Variants in SCHIP1 observed in about 807,000 individuals in gnomAD.
SCHIP1 encodes schwannomin-interacting protein 1.
A neutral mutation model predicts 29.7 loss-of-function variants in SCHIP1; 8 were observed. The observed-to-expected ratio is 0.27, with a 90% CI of 0.16 to 0.49. The LOEUF is 0.49. Ranked by LOEUF, SCHIP1 falls within the 20% of genes least tolerant of loss-of-function variation. The pLI, the probability that SCHIP1 is intolerant of heterozygous loss-of-function variation, is 0.99. For synonymous variants in SCHIP1, 76 were observed against 94.9 expected (o/e 0.80, Z 1.16); for missense variants, 193 against 294.6 (o/e 0.66, Z 2.52).
chr3:159,274,493 C>T, the SCHIP1 span: 2 of 720,436 alleles, frequency 2.8e-6, no homozygotes, highest in Non-Finnish European at 3.4e-6. Flanking sequence ...TGAAATAGTA[C>T]TTTTAGCATT....
At chr3:159,764,104 G>T in the SCHIP1 span, 1 of 250,188 alleles carries the variant, frequency 4.0e-6, no homozygotes, top group Non-Finnish European at 7.6e-6. This position sits in a 1 kb window ranked among gnomAD's most constrained non-coding sequence, Gnocchi z 6.1. Context: ...AGAATCCTTG[G>T]GGCGGGGTAA....
chr3:159,606,443 G>A, the SCHIP1 span, among the ~76,000 whole-genome samples: 1 of 152,162 alleles, frequency 6.6e-6, no homozygotes, highest in African/African-American at 2.4e-5. Flanking sequence ...CCCACAGACA[G>A]CATTTGGAAA....
chr3:159,579,257 G>A, the SCHIP1 span, among the ~76,000 whole-genome samples: 1 of 152,150 alleles, frequency 6.6e-6, no homozygotes, highest in African/African-American at 2.4e-5. Flanking sequence ...ACTTTCTAAT[G>A]TAAGACATTT....
intron 1 of SCHIP1, among the ~76,000 whole-genome samples, chr3:159,854,957 G>T (rs1713150149): frequency 6.6e-6 from 1 of 152,252 alleles, no homozygotes; most frequent in Admixed American, 6.5e-5. Flanking sequence ...CTACAGACAT[G>T]TACGGCTCAA....
chr3:159,841,849 G>A (rs1210546028), intron 1 of SCHIP1, among the ~76,000 whole-genome samples: 1 of 152,086 alleles, frequency 6.6e-6, no homozygotes, highest in South Asian at 2.1e-4. Context: ...GTATTGGTTG[G>A]GTAATAATGG....
the SCHIP1 span, among the ~76,000 whole-genome samples, chr3:159,544,929 A>G: frequency 6.6e-6 from 1 of 152,144 alleles, no homozygotes; most frequent in African/African-American, 2.4e-5. Flanking sequence ...CTTCAAGATC[A>G]TAAAAATGTT....
the SCHIP1 span, among the ~76,000 whole-genome samples, chr3:159,480,797 C>A: frequency 1.3e-5 from 2 of 152,144 alleles, no homozygotes; most frequent in Non-Finnish European, 2.9e-5. Flanking sequence ...CTGGGTGTCA[C>A]GCACGTCCTT....
chr3:159,755,381 C>T, the SCHIP1 span, among the ~76,000 whole-genome samples: 13 of 152,114 alleles, frequency 8.5e-5, no homozygotes, highest in Admixed American at 8.5e-4. Flanking sequence ...TGCAGAGAAA[C>T]TCCTGTTTTT....
chr3:159,550,180 A>G, the SCHIP1 span, among the ~76,000 whole-genome samples: 5 of 129,882 alleles, frequency 3.8e-5, no homozygotes, highest in Non-Finnish European at 8.6e-5. Context: ...TGTATTCCCA[A>G]CCTGCTGAAA....
the SCHIP1 span, among the ~76,000 whole-genome samples, chr3:159,375,475 G>A: frequency 1.3e-5 from 2 of 152,186 alleles, no homozygotes; most frequent in African/African-American, 2.4e-5. Flanking sequence ...GCGTGCTCAC[G>A]CCTGTAATCA....
the SCHIP1 span, among the ~76,000 whole-genome samples, chr3:159,664,691 G>T: frequency 6.6e-6 from 1 of 152,200 alleles, no homozygotes; most frequent in East Asian, 1.9e-4. Flanking sequence ...ATAGGGTAGA[G>T]AGAGCACCAT....
chr3:159,571,863 A>G, the SCHIP1 span, among the ~76,000 whole-genome samples: 3 of 152,092 alleles, frequency 2.0e-5, no homozygotes, highest in African/African-American at 7.2e-5. Context: ...GGTAGGGTGT[A>G]TGTGTCGAGG....
chr3:159,495,790 G>A, the SCHIP1 span, among the ~76,000 whole-genome samples: 50 of 152,208 alleles, frequency 3.3e-4, no homozygotes, highest in African/African-American at 7.7e-4. Context: ...AAAACAGCCC[G>A]CATCACCAAG....
At chr3:159,592,753 C>A in the SCHIP1 span, among the ~76,000 whole-genome samples, 131 of 152,190 alleles carry the variant, frequency 8.6e-4, 1 homozygote, top group South Asian at 0.014. Context: ...ACACAAGTCA[C>A]GGCCTGTTGT....
the SCHIP1 span, among the ~76,000 whole-genome samples, chr3:159,296,141 C>CTTT: frequency 7.6e-5 from 11 of 144,466 alleles, no homozygotes; most frequent in African/African-American, 2.3e-4. Flanking sequence ...GCTTGCTGCT[C>CTTT]TTTTTTTTTT....
the SCHIP1 span, among the ~76,000 whole-genome samples, chr3:159,630,989 A>C: frequency 6.7e-6 from 1 of 150,286 alleles, no homozygotes; most frequent in African/African-American, 2.5e-5. Context: ...GGAAAGTACC[A>C]AAAAAAAAGT....
the SCHIP1 span, among the ~76,000 whole-genome samples, chr3:159,678,110 C>T: frequency 6.6e-6 from 1 of 152,202 alleles, no homozygotes; most frequent in Non-Finnish European, 1.5e-5. Context: ...CCAAATAAAT[C>T]TTATCTGTCT....
the SCHIP1 span, among the ~76,000 whole-genome samples, chr3:159,601,243 G>A: frequency 1.7e-3 from 255 of 152,268 alleles, 1 homozygote; most frequent in Admixed American, 4.7e-3. Context: ...AGCAGTGGTG[G>A]GACTACCCTC....
the SCHIP1 span, among the ~76,000 whole-genome samples, chr3:159,442,826 A>G: frequency 6.6e-6 from 1 of 152,196 alleles, no homozygotes; most frequent in African/African-American, 2.4e-5. Flanking sequence ...CAGGGTGGTA[A>G]GAACAGCACT....
Sources: gnomAD v4.1 joint callset for allele counts (sites outside exome capture counted in the v4.1 genomes callset) on GRCh38, gnomAD v4.1.1 for gene constraint, Gnocchi (gnomAD v3.1) non-coding constraint, MANE v1.5 for transcripts, NCBI Gene and HGNC (gene_info 2026-07-23, HGNC 2026-07-21) for gene names.